KDM2B: variants seen among roughly 807,000 people sequenced by gnomAD.
KDM2B encodes lysine-specific demethylase 2B.
In KDM2B, 26 loss-of-function variants were observed where a neutral mutation model predicts 150.0. The observed-to-expected ratio is 0.17, with a 90% CI of 0.13 to 0.24. The LOEUF (loss-of-function observed/expected upper bound fraction) is 0.24. KDM2B is among the 10% of genes least tolerant of loss of function. The pLI is 1.00. For synonymous variants in KDM2B, 734 were observed against 729.5 expected (o/e 1.01, Z -0.10); for missense variants, 1,265 against 1,816.9 (o/e 0.70, Z 5.52).
intron 9 of KDM2B, among the ~76,000 whole-genome samples, chr12:121,515,401 A>G (rs1213347559): frequency 3.8e-4 from 1 of 2,616 alleles, no homozygotes; most frequent in Admixed American, 5.9e-3. Flanking sequence ...TCATCCCCCT[A>G]ATCACACTCC....
intron 6 of KDM2B, chr12:121,536,181 C>G (rs1401611430): frequency 2.5e-6 from 2 of 805,054 alleles, no homozygotes; most frequent in African/African-American, 3.7e-5. Context: ...GGTGCCCCCT[C>G]CCTCTGGCTG....
chr12:121,498,417 C>A (rs1401082827), intron 11 of KDM2B, among the ~76,000 whole-genome samples: 1 of 152,212 alleles, frequency 6.6e-6, no homozygotes, highest in Non-Finnish European at 1.5e-5. Flanking sequence ...TCCAGCTTAC[C>A]TCCTATGGGG....
chr12:121,578,338 C>T (rs1376425161), intron 2 of KDM2B, among the ~76,000 whole-genome samples: 1 of 152,192 alleles, frequency 6.6e-6, no homozygotes, highest in Admixed American at 6.5e-5. Context: ...CAGTTCCTCA[C>T]TGGCAGGCCC....
the KDM2B span, among the ~76,000 whole-genome samples, chr12:121,412,365 G>A: frequency 4.1e-5 from 6 of 146,418 alleles, no homozygotes; most frequent in Non-Finnish European, 6.0e-5. Flanking sequence ...TTAGCCTCCC[G>A]AGTAGCTGGG....
chr12:121,433,017 C>T lies in KDM2B; in HGVS notation c.3830-2548G>A, dbSNP rs1253392167. On this transcript the variant is annotated intron_variant, in intron 22 of 22. Coordinates refer to ENST00000377071, the MANE Select transcript of KDM2B (RefSeq NM_032590.5). Reference sequence around the variant, plus strand: ...GGCCTCAAGTGCATCCTGGCAGTTACCTGTCGGTGGTAAGGCAGCACTTGG... The same window carrying T: ...GGCCTCAAGTGCATCCTGGCAGTTATCTGTCGGTGGTAAGGCAGCACTTGG... The T allele has an allele frequency of 9.8e-6, 4 of 407,184 alleles. No homozygotes were observed. In the East Asian group the frequency reaches 2.9e-4, roughly 29 times the overall value. The allele number at this position is 407,184 out of a possible 1,614,324, so 25.2% of individuals were successfully genotyped here.
intron 8 of KDM2B, among the ~76,000 whole-genome samples, chr12:121,529,383 G>T (rs1403808191): frequency 6.6e-6 from 1 of 152,172 alleles, no homozygotes; most frequent in Admixed American, 6.6e-5. Flanking sequence ...GGTCAGTGTG[G>T]CAGGAGGAGA....
intron 11 of KDM2B, among the ~76,000 whole-genome samples, chr12:121,509,243 T>C (rs556630234): frequency 2.0e-5 from 3 of 151,828 alleles, no homozygotes; most frequent in African/African-American, 4.8e-5. Context: ...TTTTTTTTTT[T>C]AGTAGAGACG....
rs113670325 is a variant in KDM2B, at chr12:121,568,305, C to T, written c.397+6242G>A. ...GCAACATGGTGAAATCTCATCTCTA[C>T]GAAAAATATAAAAGCGTGGTGGCGG... is the stretch of plus-strand genomic sequence containing the variant. On this transcript the variant is annotated intron_variant, in intron 4 of 22. Transcript: ENST00000377071. 2.0e-3 allele frequency among the ~76,000 whole-genome samples: 300 copies of T among 151,820 alleles called. 2 individuals carry two copies. Among genetic ancestry groups the T allele is most frequent in the African/African-American group, 6.8e-3 (283 of 41,380 alleles).
intron 4 of KDM2B, among the ~76,000 whole-genome samples, chr12:121,565,092 G>A (rs1288403566): frequency 6.6e-6 from 1 of 151,960 alleles, no homozygotes; most frequent in African/African-American, 2.4e-5. Flanking sequence ...CTAGGTCTCC[G>A]AAAGTGCTGG....
intron 11 of KDM2B, among the ~76,000 whole-genome samples, chr12:121,496,700 C>G (rs1300013334): frequency 1.3e-5 from 2 of 152,148 alleles, no homozygotes; most frequent in Non-Finnish European, 2.9e-5. Context: ...CCATGTTGCA[C>G]AGGCTGGTCT....
chr12:121,513,315 G>A lies in KDM2B; in HGVS notation c.1135C>T (p.His379Tyr). ...TCCCTCTGGTATTCCTGAGTGAGGTGGGAGCGCTGGGTCACACAGTACACG... is the reference window on the plus strand; with the variant it reads ...TCCCTCTGGTATTCCTGAGTGAGGTAGGAGCGCTGGGTCACACAGTACACG... ...RYVYCVTQRS[H>Y]LTQEYQRESM... Residue 379 changes from histidine to tyrosine, a missense_variant, in exon 10 of 23, where the codon CAC becomes TAC. Around this residue, in one of 11 missense-constraint regions of KDM2B, gnomAD observed 154 missense variants for 162.5 expected, o/e 0.95. Coordinates refer to ENST00000377071, the MANE Select transcript of KDM2B (RefSeq NM_032590.5). This position sits in a 1 kb window ranked among gnomAD's most constrained non-coding sequence, Gnocchi z 5.0. 1 of 1,613,648 alleles carries A rather than the reference G, an allele frequency of 6.2e-7. No homozygotes were observed. The highest frequency in any genetic ancestry group is 1.1e-5 in the South Asian group (1 of 91,072).
chr12:121,546,477 G>A (rs1555310707), intron 6 of KDM2B, among the ~76,000 whole-genome samples: 2 of 142,254 alleles, frequency 1.4e-5, no homozygotes, highest in African/African-American at 5.4e-5. Context: ...CCACCTCCTG[G>A]GTTCACATCA....
intron 11 of KDM2B, among the ~76,000 whole-genome samples, chr12:121,501,451 G>C (rs1555301909): frequency 6.6e-6 from 1 of 152,144 alleles, no homozygotes; most frequent in East Asian, 1.9e-4. Flanking sequence ...AGACTGGAGT[G>C]ATGCAGCCAC....
intron 12 of KDM2B, among the ~76,000 whole-genome samples, chr12:121,457,374 G>T (rs1878430320): frequency 6.6e-6 from 1 of 151,944 alleles, no homozygotes; most frequent in African/African-American, 2.4e-5. Context: ...CAATTCTTGT[G>T]CTTCAGCCTC....
At chr12:121,448,103 G>C (rs1439960166) in intron 13 of KDM2B, among the ~76,000 whole-genome samples, 2 of 151,994 alleles carry the variant, frequency 1.3e-5, no homozygotes, top group Non-Finnish European at 2.9e-5. Context: ...CGGATTGCCT[G>C]AGCCCAGGAG....
At position 121,481,763 on chromosome 12, in the gene KDM2B, T is replaced by TTTTGTTTGTTTG. The variant is rs59507585; in HGVS notation, c.1734+12804_1734+12815dup. ...TTTCAAGAACTTATCTTAGGGTTTTTTTTGTTTGTTTGTTTGTTTGTTTGT... is the reference window on the plus strand; with the variant it reads ...TTTCAAGAACTTATCTTAGGGTTTTTTTTGTTTGTTTGTTTGTTTGTTTGTTTGTTTGTTTGT... On this transcript the variant is annotated intron_variant, in intron 12 of 22. Coordinates refer to ENST00000377071, the MANE Select transcript of KDM2B (RefSeq NM_032590.5). Among the ~76,000 whole-genome samples the TTTTGTTTGTTTG allele has an allele frequency of 2.6e-3, 383 of 148,810 alleles. 2 individuals are homozygous for TTTTGTTTGTTTG. Among genetic ancestry groups the TTTTGTTTGTTTG allele is most frequent in the African/African-American group, 9.2e-3 (367 of 39,896 alleles).
intron 22 of KDM2B, among the ~76,000 whole-genome samples, chr12:121,438,591 G>A (rs1410650461): frequency 1.3e-5 from 2 of 152,102 alleles, no homozygotes; most frequent in East Asian, 1.9e-4. Flanking sequence ...CGTCCACGAG[G>A]TGGAACAATC....
chr12:121,505,203 T>C (rs1555302737), intron 11 of KDM2B, among the ~76,000 whole-genome samples: 1 of 148,796 alleles, frequency 6.7e-6, no homozygotes, highest in East Asian at 2.0e-4. Flanking sequence ...CGAGAATCGC[T>C]TGAACCCAGG....
At chr12:121,428,062 C>T (rs951498), downstream of KDM2B, among the ~76,000 whole-genome samples, 52,269 of 152,026 alleles carry the variant, frequency 0.34, 9,699 homozygotes, top group East Asian at 0.44. Context: ...AAAAGAAAGT[C>T]ACATTTTTAT....
Sources: allele counts gnomAD v4.1 joint callset (sites outside exome capture counted in the v4.1 genomes callset), GRCh38; gene constraint gnomAD v4.1.1; regional missense constraint gnomAD v4.1.1; non-coding constraint Gnocchi (gnomAD v3.1); transcripts MANE v1.5; gene names NCBI Gene and HGNC (gene_info 2026-07-23, HGNC 2026-07-21).